The following KLHL30 variants were observed in gnomAD, a reference collection of about 807,000 sequenced individuals.
KLHL30 encodes kelch-like protein 30.
KLHL30 carries 55 observed loss-of-function variants against 55.0 expected under a neutral mutation model. The ratio of observed to expected loss-of-function variants is 1.00; its 90% CI spans 0.80 to 1.25. The LOEUF is 1.25. KLHL30 is among the 50% of genes most tolerant of loss of function. KLHL30 has a pLI of 0.00. For synonymous variants in KLHL30, 356 were observed against 372.6 expected (o/e 0.96, Z 0.51); for missense variants, 786 against 811.6 (o/e 0.97, Z 0.38).
chr2:238,141,173 A>G lies in KLHL30; in HGVS notation c.419A>G (p.Glu140Gly), dbSNP rs776911120. The G allele has an allele frequency of 2.7e-5, 43 of 1,611,766 alleles. No homozygotes were observed. The highest frequency in any genetic ancestry group is 2.5e-4 in the Admixed American group (15 of 59,956). The stretch of plus-strand genomic sequence containing the variant: ...GCCGCCAACTGCCTGGGCATCTGTG[A>G]GTTCGGGGAGCAGCAAGGGCTGCTG... Reference protein sequence around the residue: ...LDAANCLGICEFGEQQGLLGV... With the variant: ...LDAANCLGICGFGEQQGLLGV... Residue 140 changes from glutamate (E) to glycine (G), a missense_variant, in exon 2 of 8, where the codon GAG (glutamate) becomes GGG (glycine). Glu to Gly is a moderately conservative substitution (Grantham distance 98, BLOSUM62 -2). Transcript: ENST00000409223.
Position 238,140,961 on chromosome 2 carries a change from C to T in KLHL30, c.207C>T (p.Ser69=), listed in dbSNP as rs147827992. The part of the protein sequence containing the change: ...HAMFAGDFAE[S]FSARVELRDV... ...TGTTTGCGGGTGACTTCGCCGAGAG[C>T]TTCTCTGCGCGCGTGGAGCTGCGGG... The change falls in exon 2 of 8, where the codon AGC becomes AGT. Residue 69 remains serine (S), a synonymous_variant. Coordinates refer to ENST00000409223, the MANE Select transcript of KLHL30 (RefSeq NM_198582.4). 0.038 allele frequency: 61,263 copies of T among 1,611,990 alleles called. 1,384 individuals are homozygous for T. The highest frequency in any genetic ancestry group is 0.045 in the Non-Finnish European group (52,828 of 1,179,318).
intron 7 of KLHL30, among the ~76,000 whole-genome samples, chr2:238,149,671 A>G (rs1049884743): frequency 6.6e-6 from 1 of 152,148 alleles, no homozygotes; most frequent in East Asian, 1.9e-4. Context: ...GAGGGAGGGC[A>G]TCCTCTGCCC....
At chr2:238,146,856 C>A (rs1692656607) in intron 5 of KLHL30, among the ~76,000 whole-genome samples, 1 of 151,774 alleles carries the variant, frequency 6.6e-6, no homozygotes, top group South Asian at 2.1e-4. Flanking sequence ...CCCGTCTCTA[C>A]TAAAAATACA....
intron 3 of KLHL30, among the ~76,000 whole-genome samples, chr2:238,144,408 AAGGAAGGAAGGAAGGAAGGAAGGAAGGC>A (rs1287313181): frequency 1.6e-3 from 195 of 119,456 alleles, no homozygotes; most frequent in East Asian, 6.4e-3. Flanking sequence ...GGAAGGAAGG[AAGGAAGGAAGGAAGGAAGGAAGGAAGGC>A]AGGCAGGCAG....
chr2:238,142,924 C>G lies in KLHL30; in HGVS notation c.900C>G (p.Ser300Arg). 6.6e-7 allele frequency: 1 copy of G among 1,507,422 alleles called. No individual in the cohort carries two copies. Among genetic ancestry groups the G allele is most frequent in the South Asian group, 1.4e-5 (1 of 73,560 alleles). 93.4% of individuals were successfully genotyped at this position (1,507,422 alleles called of 1,614,324 possible). A position where few individuals can be genotyped will look rare whatever the true frequency, so the allele number is the denominator to read the frequency against. ...PGLGNFAFYN[S>R]KAKRWMALPD... ...TTGGGAACTTTGCCTTCTACAACAG[C>G]AAGGCCAGTGAGTACCCCTCCCGCG... The change falls in exon 3 of 8, where the codon AGC becomes AGG. Residue 300 changes from serine to arginine, a missense_variant. Ser to Arg is a moderately radical substitution (Grantham distance 110, BLOSUM62 -1). Coordinates refer to ENST00000409223, the MANE Select transcript of KLHL30 (RefSeq NM_198582.4).
intron 2 of KLHL30, among the ~76,000 whole-genome samples, chr2:238,141,852 T>A (rs1220989540): frequency 6.6e-6 from 1 of 152,018 alleles, no homozygotes; most frequent in Non-Finnish European, 1.5e-5. Context: ...GCCAAATACA[T>A]GCCTAGGACG....
chr2:238,147,851 G>A lies in KLHL30; in HGVS notation c.1168G>A (p.Val390Met). 1.3e-6 allele frequency: 2 copies of A among 1,528,576 alleles called. No individual in the cohort carries two copies. The highest frequency in any genetic ancestry group is 1.8e-6 in the Non-Finnish European group (2 of 1,131,912). 94.7% of individuals were successfully genotyped at this position (1,528,576 alleles called of 1,614,324 possible). A position where few individuals can be genotyped will look rare whatever the true frequency, so the allele number is the denominator to read the frequency against. ...CCCCACAGGCACCACCCTGGACGTGGTGGAGGTGGAGAGCTATGACCCCTA... is the reference window on the plus strand; with the variant it reads ...CCCCACAGGCACCACCCTGGACGTGATGGAGGTGGAGAGCTATGACCCCTA... Reference protein sequence around the residue: ...YVIGGTTLDVVEVESYDPYTD... With the variant: ...YVIGGTTLDVMEVESYDPYTD... The change falls in exon 6 of 8, where the codon GTG becomes ATG. Residue 390 changes from valine (V) to methionine (M), a missense_variant. Coordinates refer to ENST00000409223, the MANE Select transcript of KLHL30 (RefSeq NM_198582.4). The surrounding 1 kb of genome is among the most constrained non-coding windows in gnomAD (Gnocchi z 5.8).
chr2:238,145,010 C>A, intron 4 of KLHL30, 22 bp downstream of exon 4: 1 of 1,566,998 alleles, frequency 6.4e-7, no homozygotes, highest in East Asian at 2.3e-5. Context: ...GGGGACCCTT[C>A]CAGAGATGCC....
intron 7 of KLHL30, 128 bp from the exon 8 acceptor site, chr2:238,150,686 G>T: frequency 9.2e-7 from 1 of 1,081,242 alleles, no homozygotes; most frequent in Non-Finnish European, 1.3e-6. Context: ...CTGCGCTCAT[G>T]CCCTGGAGGG....
chr2:238,148,856 A>G, intron 6 of KLHL30, 151 bp from the exon 7 acceptor site: 1 of 727,576 alleles, frequency 1.4e-6, no homozygotes, highest in Middle Eastern at 3.8e-4. Flanking sequence ...GGTCCCTCCC[A>G]GCTGCACCGC....
In KLHL30 at chr2:238,151,642, G is replaced by A. The variant is rs1692757956; in HGVS notation, c.*577G>A. 1 of 156,000 alleles carries A rather than the reference G, an allele frequency of 6.4e-6. No homozygotes were observed. The highest frequency in any genetic ancestry group is 1.4e-5 in the Non-Finnish European group (1 of 70,680). 9.7% of individuals were successfully genotyped at this position (156,000 alleles called of 1,614,324 possible). The stretch of plus-strand genomic sequence containing the variant: ...ACGGGGCTGGCTGTGTGGGCTTTGG[G>A]TCCCCACTCAGGCTTTGCATGTTGG... On this transcript the variant is annotated 3_prime_UTR_variant, in exon 8 of 8. Coordinates refer to ENST00000409223, the MANE Select transcript of KLHL30 (RefSeq NM_198582.4).
In KLHL30 at chr2:238,142,974, G is replaced by A. The variant is rs1267285475; in HGVS notation, c.907+43G>A. The A allele has an allele frequency of 2.7e-6, 4 of 1,489,792 alleles. No individual in the cohort carries two copies. In the African/African-American group the frequency reaches 4.4e-5, roughly 17 times the overall value. 92.3% of individuals were successfully genotyped at this position (1,489,792 alleles called of 1,614,324 possible). On this transcript the variant is annotated intron_variant, in intron 3 of 7. Transcript: ENST00000409223. Reference sequence around the variant, plus strand: ...GTCCAGACCCACCTGCTGTCTCTCTGTCCCAGCGGGAGCCGCTGTGTCCTC... The same window carrying A: ...GTCCAGACCCACCTGCTGTCTCTCTATCCCAGCGGGAGCCGCTGTGTCCTC...
At position 238,140,816 on chromosome 2, in the gene KLHL30, A is replaced by G. The variant is rs777943329; in HGVS notation, c.62A>G (p.Asp21Gly). The G allele has an allele frequency of 1.9e-6, 3 of 1,601,960 alleles. No individual in the cohort carries two copies. The highest frequency in any genetic ancestry group is 2.6e-6 in the Non-Finnish European group (3 of 1,172,080). Residue 21 changes from aspartate to glycine, a missense_variant, in exon 2 of 8, where the codon GAT becomes GGT. Physicochemically the swap from Asp to Gly is moderately conservative, Grantham distance 94 (BLOSUM62 -1). Transcript: ENST00000409223. ...CCCTCGCATGCCCAGGACATGCTGG[A>G]TGGCCTGCAGCGCCTGCGCTCTCAG... ...HLPSHAQDML[D>G]GLQRLRSQPK...
intron 2 of KLHL30, among the ~76,000 whole-genome samples, chr2:238,141,893 C>T (rs943647794): frequency 3.3e-5 from 5 of 152,168 alleles, no homozygotes; most frequent in African/African-American, 1.2e-4. Context: ...TCAAGGAGGG[C>T]TCTCTGGAGG....
intron 4 of KLHL30, among the ~76,000 whole-genome samples, chr2:238,145,301 G>A (rs376810375): frequency 4.6e-5 from 7 of 152,180 alleles, no homozygotes; most frequent in East Asian, 1.9e-4. Flanking sequence ...GGTTGCAGGC[G>A]GCCTCCTTCA....
rs11442034 is a variant in KLHL30, at chr2:238,147,146, CAA to C, written c.1151-675_1151-674del. ...TGGGTGACCGAGCAAGACCCTGTCT[CAA>C]AAAAAAAAAAAAGAAAGAAAAGAAA... On this transcript the variant is annotated intron_variant, in intron 5 of 7. Transcript: ENST00000409223. This position sits in a 1 kb window ranked among gnomAD's most constrained non-coding sequence, Gnocchi z 5.8. 1.1e-4 allele frequency among the ~76,000 whole-genome samples: 15 copies of C among 133,194 alleles called. No homozygotes were observed. Among genetic ancestry groups the C allele is most frequent in the Admixed American group, 1.5e-4 (2 of 13,486 alleles). The allele number at this position is 133,194 out of a possible 152,430, so 87.4% of individuals were successfully genotyped here.
chr2:238,149,254 AC>A, intron 7 of KLHL30, 102 bp downstream of exon 7: 1 of 1,487,200 alleles, frequency 6.7e-7, no homozygotes, highest in Non-Finnish European at 9.1e-7. Context: ...CAGAGGGCCC[AC>A]TGCGAAGGGG....
chr2:238,142,864 G>A lies in KLHL30; in HGVS notation c.840G>A (p.Glu280=). ...VLVVVGGQAL[E]EEEAGEEPTP... ...TGGTGGTGGGCGGGCAGGCGCTGGA[G>A]GAGGAGGAGGCAGGTGAGGAGCCCA... The change falls in exon 3 of 8, where the codon GAG becomes GAA. Residue 280 remains glutamate, a synonymous_variant. Transcript: ENST00000409223. 6.8e-7 allele frequency: 1 copy of A among 1,474,136 alleles called. No individual in the cohort carries two copies. The highest frequency in any genetic ancestry group is 8.9e-7 in the Non-Finnish European group (1 of 1,120,568). 91.3% of individuals were successfully genotyped at this position (1,474,136 alleles called of 1,614,324 possible).
At position 238,141,071 on chromosome 2, in the gene KLHL30, T is replaced by G. The variant is rs1009334040; in HGVS notation, c.317T>G (p.Leu106Arg). 7 of 1,609,858 alleles carry G rather than the reference T, an allele frequency of 4.3e-6. No individual in the cohort carries two copies. The African/African-American group carries it at 9.3e-5, about 21-fold the overall frequency. The change falls in exon 2 of 8, where the codon CTG becomes CGG. Residue 106 changes from leucine (L) to arginine (R), a missense_variant. Coordinates refer to ENST00000409223, the MANE Select transcript of KLHL30 (RefSeq NM_198582.4). ...LTITQGNVEA[L>R]TRTAARLHFP... ...ATCACGCAGGGCAACGTGGAGGCGC[T>G]GACACGCACGGCTGCGCGCCTGCAC...
Sources: allele counts gnomAD v4.1 joint callset (sites outside exome capture counted in the v4.1 genomes callset), GRCh38; gene constraint gnomAD v4.1.1; non-coding constraint Gnocchi (gnomAD v3.1); transcripts MANE v1.5; gene names NCBI Gene and HGNC (gene_info 2026-07-23, HGNC 2026-07-21).